Variants in ENOX1 observed in about 807,000 individuals in gnomAD.
ENOX1 encodes the protein ecto-NOX disulfide-thiol exchanger 1, also known as candidate growth-related and time keeping constitutive hydroquinone (NADH) oxidase.
A neutral mutation model predicts 82.5 loss-of-function variants in ENOX1; 42 were observed. The observed-to-expected ratio is 0.51, with a 90% confidence interval of 0.40 to 0.66. The LOEUF is 0.66. Among genes scored for constraint, ENOX1 ranks in the 30% least tolerant of loss-of-function variants. The pLI is 0.00. For synonymous variants in ENOX1, 271 were observed against 282.2 expected (o/e 0.96, Z 0.40); for missense variants, 608 against 811.6 (o/e 0.75, Z 3.05).
At chr13:43,615,895 A>T (rs565411052) in intron 2 of ENOX1, among the ~76,000 whole-genome samples, 1 of 151,752 alleles carries the variant, frequency 6.6e-6, no homozygotes, top group Non-Finnish European at 1.5e-5. Flanking sequence ...TTCCAGCTAC[A>T]TCCATGTCCC....
chr13:43,412,807 A>G, intron 4 of ENOX1, 38 bp downstream of exon 4: 1 of 1,610,256 alleles, frequency 6.2e-7, no homozygotes, highest in South Asian at 1.1e-5. Flanking sequence ...AACTCAAAAA[A>G]TCCTTGTTTG....
Position 43,766,146 on chromosome 13 carries a change from C to T in ENOX1, c.-285+20506G>A, listed in dbSNP as rs548798732. Among the ~76,000 whole-genome samples, 24 of 152,262 alleles carry T rather than the reference C, an allele frequency of 1.6e-4. No individual in the cohort carries two copies. In the South Asian group the frequency reaches 4.4e-3, roughly 28 times the overall value. ...GATATGCACTGGACACTGCATATTC[C>T]ACTCCCGTGTTGCCACCTCAAAACA... On this transcript the variant is annotated intron_variant, in intron 1 of 16. Transcript: ENST00000690772.
chr13:43,673,872 T>C (rs182994124), intron 1 of ENOX1, among the ~76,000 whole-genome samples: 41 of 152,324 alleles, frequency 2.7e-4, no homozygotes, highest in Middle Eastern at 3.4e-3. Flanking sequence ...AAATCATACT[T>C]TTCTGCAATT....
intron 1 of ENOX1, among the ~76,000 whole-genome samples, chr13:43,750,712 G>C (rs1450184866): frequency 6.6e-6 from 1 of 152,132 alleles, no homozygotes; most frequent in East Asian, 1.9e-4. Context: ...ACCCAGAAAT[G>C]TATATACATG....
intron 2 of ENOX1, among the ~76,000 whole-genome samples, chr13:43,621,766 T>C (rs2082741451): frequency 6.6e-6 from 1 of 152,160 alleles, no homozygotes. Flanking sequence ...TTCCTGGGTG[T>C]TCTTTGTGCT....
At chr13:43,702,952 T>G (rs1475318999) in intron 1 of ENOX1, among the ~76,000 whole-genome samples, 1 of 14,486 alleles carries the variant, frequency 6.9e-5, no homozygotes, top group African/African-American at 2.0e-4. Context: ...AGACTCTGTC[T>G]CAAAAAAAAA....
intron 2 of ENOX1, among the ~76,000 whole-genome samples, chr13:43,565,262 GC>G (rs888344026): frequency 1.4e-4 from 21 of 152,286 alleles, no homozygotes; most frequent in African/African-American, 4.8e-4. Flanking sequence ...GCTGGAAAGA[GC>G]TTGATGTGTT....
At chr13:43,437,427 C>A (rs2056099236) in intron 3 of ENOX1, among the ~76,000 whole-genome samples, 1 of 152,144 alleles carries the variant, frequency 6.6e-6, no homozygotes, top group African/African-American at 2.4e-5. Flanking sequence ...TCCCGAAAAT[C>A]TGAGCTTGTG....
At chr13:43,518,293 T>A (rs2077633068) in intron 2 of ENOX1, among the ~76,000 whole-genome samples, 1 of 152,084 alleles carries the variant, frequency 6.6e-6, no homozygotes, top group South Asian at 2.1e-4. Flanking sequence ...ATTATCAATA[T>A]TAGGTTCCTT....
At chr13:43,560,115 A>G (rs2079605953) in intron 2 of ENOX1, among the ~76,000 whole-genome samples, 1 of 152,200 alleles carries the variant, frequency 6.6e-6, no homozygotes, top group African/African-American at 2.4e-5. Context: ...AACATTTGCT[A>G]TTTTATTAAA....
rs917413661 is a variant in ENOX1 at position 43,721,179 on chromosome 13, A to G, written c.-284-53635T>C. On this transcript the variant is annotated intron_variant, in intron 1 of 16. Transcript: ENST00000690772. ...GTAAGGACGGAGTTGTGTAATTTCA[A>G]TGATTCCACATACAAATTTAGTACC... Among the ~76,000 whole-genome samples the G allele has an allele frequency of 5.9e-5, 9 of 152,296 alleles. No homozygotes were observed. The South Asian group carries it at 8.3e-4, about 14-fold the overall frequency.
intron 3 of ENOX1, among the ~76,000 whole-genome samples, chr13:43,421,794 C>A (rs1321048064): frequency 6.6e-6 from 1 of 151,462 alleles, no homozygotes; most frequent in Admixed American, 6.6e-5. Context: ...CTGCAGCTAG[C>A]AAGCAAAGTA....
At chr13:43,614,909 C>T (rs1213481256) in intron 2 of ENOX1, among the ~76,000 whole-genome samples, 2 of 152,040 alleles carry the variant, frequency 1.3e-5, no homozygotes, top group Non-Finnish European at 2.9e-5. Context: ...AGACCCCACC[C>T]CAGAACTACT....
At chr13:43,413,022 T>G in intron 3 of ENOX1, 34 bp from the exon 4 acceptor site, 1 of 1,474,742 alleles carries the variant, frequency 6.8e-7, no homozygotes, top group Non-Finnish European at 9.0e-7. Flanking sequence ...GTGAGAAACC[T>G]TAATAGTTAA....
At chr13:43,289,470 G>T (rs985918815) in intron 12 of ENOX1, among the ~76,000 whole-genome samples, 8 of 152,146 alleles carry the variant, frequency 5.3e-5, no homozygotes, top group Admixed American at 1.3e-4. Flanking sequence ...AAGCAATGGG[G>T]AAAGGACTCT....
chr13:43,217,523 G>A (rs1243295223), intron 16 of ENOX1, among the ~76,000 whole-genome samples: 1 of 152,090 alleles, frequency 6.6e-6, no homozygotes, highest in Non-Finnish European at 1.5e-5. Context: ...ACCATTTACC[G>A]AGTCTTCACT....
chr13:43,636,755 AGAG>A (rs1263482242), intron 2 of ENOX1, among the ~76,000 whole-genome samples: 2 of 152,160 alleles, frequency 1.3e-5, no homozygotes, highest in Non-Finnish European at 2.9e-5. Context: ...AGTGCTAAGG[AGAG>A]GAGGAAATCA....
chr13:43,257,324 T>C (rs2043807312), intron 14 of ENOX1, among the ~76,000 whole-genome samples: 1 of 152,212 alleles, frequency 6.6e-6, no homozygotes, highest in Non-Finnish European at 1.5e-5. Context: ...GAAAAGTGTT[T>C]AAGGCAGATG....
intron 3 of ENOX1, among the ~76,000 whole-genome samples, chr13:43,470,249 CAT>C (rs71861024): frequency 0.32 from 17,099 of 52,876 alleles, 4,592 homozygotes; most frequent in East Asian, 0.63. Context: ...TATATATATA[CAT>C]ATATATATAC....
Sources: gnomAD v4.1 joint callset for allele counts (sites outside exome capture counted in the v4.1 genomes callset) on GRCh38, gnomAD v4.1.1 for gene constraint, MANE v1.5 for transcripts, NCBI Gene and HGNC (gene_info 2026-07-23, HGNC 2026-07-21) for gene names.